The following TMEM204 variants were observed in gnomAD, a reference collection of about 807,000 sequenced individuals.
The protein encoded by TMEM204 is transmembrane protein 204, also known as claudin-like protein 24.
TMEM204 carries 15 observed loss-of-function variants against 19.4 expected under a neutral mutation model. That is an observed-to-expected ratio of 0.77 (90% CI 0.52 to 1.19). The LOEUF (loss-of-function observed/expected upper bound fraction) is 1.19. Among genes scored for constraint, TMEM204 ranks in the 50% most tolerant of loss-of-function variants. TMEM204 has a pLI of 0.00. For missense variants in TMEM204, 287 were observed against 321.2 expected, an observed-to-expected ratio of 0.89 and a Z score of 0.81; for synonymous variants, 161 against 146.0, an observed-to-expected ratio of 1.10 and a Z score of -0.74.
At position 1,553,280 on chromosome 16, in the gene TMEM204, CTG is replaced by C. The variant is rs2032825402; in HGVS notation, c.437-1498_437-1497del. The stretch of plus-strand genomic sequence containing the variant: ...TGTATCTCTCTTGGTCTCTGTCTCT[CTG>C]TGTCTCTGCCTGTCTCTCTGTGTCT... On this transcript the variant is annotated intron_variant, in intron 2 of 2. Coordinates refer to ENST00000566264, the MANE Select transcript of TMEM204 (RefSeq NM_024600.6). The surrounding 1 kb of genome is among the most constrained non-coding windows in gnomAD (Gnocchi z 4.4). The C allele has an allele frequency of 3.1e-6, 3 of 981,642 alleles. No homozygotes were observed. Among genetic ancestry groups the C allele is most frequent in the African/African-American group, 1.8e-5 (1 of 57,122 alleles). The allele number at this position is 981,642 out of a possible 1,614,324, so 60.8% of individuals were successfully genotyped here.
At chr16:1,540,069 G>A (rs2031482577) in intron 1 of TMEM204, among the ~76,000 whole-genome samples, 1 of 152,160 alleles carries the variant, frequency 6.6e-6, no homozygotes, top group African/African-American at 2.4e-5. Flanking sequence ...AGGACGGCGG[G>A]GGGACCCTCA....
intron 1 of TMEM204, among the ~76,000 whole-genome samples, chr16:1,536,885 G>A (rs1935467309): frequency 1.3e-5 from 2 of 152,198 alleles, no homozygotes; most frequent in African/African-American, 2.4e-5. Flanking sequence ...GTCCCCAATC[G>A]GGTGAGGGGC....
intron 1 of TMEM204, among the ~76,000 whole-genome samples, chr16:1,536,694 C>T (rs947983222): frequency 2.6e-5 from 4 of 152,210 alleles, no homozygotes; most frequent in Non-Finnish European, 4.4e-5. Context: ...GGCCCCAACA[C>T]GGGGACGCGC....
chr16:1,536,266 C>T (rs1042460897), intron 1 of TMEM204, among the ~76,000 whole-genome samples: 15 of 152,332 alleles, frequency 9.8e-5, no homozygotes, highest in African/African-American at 3.6e-4. Flanking sequence ...CACAGGGCCG[C>T]GTGTAGCCTC....
intron 1 of TMEM204, among the ~76,000 whole-genome samples, chr16:1,538,774 G>A (rs770924514): frequency 7.2e-5 from 11 of 152,276 alleles, no homozygotes; most frequent in African/African-American, 2.2e-4. Flanking sequence ...TGGACAGGAC[G>A]CCCTCAAAAT....
At chr16:1,532,731 G>A (rs1438970551), upstream of TMEM204, 1 of 152,286 alleles carries the variant, frequency 6.6e-6, no homozygotes, top group Non-Finnish European at 1.5e-5. Context: ...CCCATGCTGG[G>A]TTTCGGGTCT....
chr16:1,554,728 G>T, intron 2 of TMEM204, 54 bp from the exon 3 acceptor site: 1 of 1,598,628 alleles, frequency 6.3e-7, no homozygotes, highest in South Asian at 1.1e-5. Flanking sequence ...TGGGGAAGGA[G>T]TGGAACCCGC....
rs779329034 is a variant in TMEM204 at position 1,542,118 on chromosome 16, T to C, written c.436+42T>C. ...GTGTGGCCACCGCGCCCTTGCCCCC[T>C]GTGGCCTTCTGGTGCCACAGGAGGG... On this transcript the variant is annotated intron_variant, in intron 2 of 2. Transcript: ENST00000566264. 3.7e-5 allele frequency: 57 copies of C among 1,523,516 alleles called. No homozygotes were observed. In the Middle Eastern group the frequency reaches 5.2e-4, roughly 14 times the overall value. 94.4% of individuals were successfully genotyped at this position (1,523,516 alleles called of 1,614,324 possible).
At position 1,534,218 on chromosome 16, in the gene TMEM204, T is replaced by C. The variant is rs1394270129; in HGVS notation, c.-58T>C. ...TAGCAGCGTCGGCTCTCCCTGGACG[T>C]GCGGCCGCGGACTGGGACTTGGCTT... is the stretch of plus-strand genomic sequence containing the variant. On this transcript the variant is annotated 5_prime_UTR_variant, in exon 1 of 3. Transcript: ENST00000566264. 19 of 1,592,536 alleles carry C rather than the reference T, an allele frequency of 1.2e-5. No individual in the cohort carries two copies. The highest frequency in any genetic ancestry group is 1.6e-5 in the Non-Finnish European group (19 of 1,176,220).
In TMEM204 at chr16:1,551,339, G is replaced by T. The variant is rs764789569; in HGVS notation, c.437-3443G>T. Among the ~76,000 whole-genome samples the T allele has an allele frequency of 6.6e-6, 1 of 152,072 alleles. No individual in the cohort carries two copies. The highest frequency in any genetic ancestry group is 1.5e-5 in the Non-Finnish European group (1 of 68,016). On this transcript the variant is annotated intron_variant, in intron 2 of 2. Coordinates refer to ENST00000566264, the MANE Select transcript of TMEM204 (RefSeq NM_024600.6). The surrounding 1 kb of genome is among the most constrained non-coding windows in gnomAD (Gnocchi z 4.0). ...AGGCCCGAAGGATCAGCAGCAGGAG[G>T]GGCCCCTCCTCCCCAGGGCCAGTCA...
intron 1 of TMEM204, chr16:1,541,200 TGTGA>T (rs1175717354): frequency 1.0e-6 from 1 of 985,276 alleles, no homozygotes; most frequent in Non-Finnish European, 1.2e-6. Flanking sequence ...ACAGGCCTGC[TGTGA>T]GTGGGGAAGC....
intron 1 of TMEM204, among the ~76,000 whole-genome samples, chr16:1,538,891 G>A (rs2031338453): frequency 6.6e-6 from 1 of 152,192 alleles, no homozygotes; most frequent in Non-Finnish European, 1.5e-5. Context: ...CCAGGGCAGT[G>A]TCTGCCTCAA....
Position 1,534,645 on chromosome 16 carries a change from G to A in TMEM204, c.280+90G>A, listed in dbSNP as rs988719723. The stretch of plus-strand genomic sequence containing the variant: ...TAGGCGCGGACCTGGTGAGCGGGTG[G>A]GGAGGCCTGGCCCCTGCTCTGCCCT... On this transcript the variant is annotated intron_variant, in intron 1 of 2. Coordinates refer to ENST00000566264, the MANE Select transcript of TMEM204 (RefSeq NM_024600.6). The A allele has an allele frequency of 7.0e-6, 11 of 1,565,254 alleles. No individual in the cohort carries two copies. In the African/African-American group the frequency reaches 1.3e-4, roughly 19 times the overall value.
chr16:1,530,357 T>C (rs573777631), upstream of TMEM204, among the ~76,000 whole-genome samples: 3 of 152,144 alleles, frequency 2.0e-5, no homozygotes, highest in South Asian at 2.1e-4. Flanking sequence ...GGTCTCGATC[T>C]CTTGACCTTG....
intron 1 of TMEM204, among the ~76,000 whole-genome samples, chr16:1,536,972 C>G (rs2031137002): frequency 6.6e-6 from 1 of 152,250 alleles, no homozygotes; most frequent in Non-Finnish European, 1.5e-5. Flanking sequence ...CTAGGCAGGC[C>G]TGGGAGTCAG....
Position 1,555,020 on chromosome 16 carries a change from A to G in TMEM204, c.675A>G (p.Pro225=), listed in dbSNP as rs779051342. 4 of 1,608,814 alleles carry G rather than the reference A, an allele frequency of 2.5e-6. No homozygotes were observed. The highest frequency in any genetic ancestry group is 3.4e-6 in the Non-Finnish European group (4 of 1,177,722). ...TGGACAATGACTACGTGGAGTCACC[A>G]TGCTGAGTCGCCCTTCTCAGCGCTC... The part of the protein sequence containing the change: ...RGLDNDYVES[P]C Residue 225 remains proline, a synonymous_variant, in exon 3 of 3, where the codon CCA becomes CCG. Coordinates refer to ENST00000566264, the MANE Select transcript of TMEM204 (RefSeq NM_024600.6).
At chr16:1,529,434 T>C (rs2030197778), upstream of TMEM204, among the ~76,000 whole-genome samples, 3 of 152,354 alleles carry the variant, frequency 2.0e-5, no homozygotes, top group African/African-American at 7.2e-5. Context: ...GGCAGCTTCC[T>C]GGACGCTCAG....
chr16:1,539,491 G>C (rs1741766261), intron 1 of TMEM204, among the ~76,000 whole-genome samples: 2 of 152,270 alleles, frequency 1.3e-5, no homozygotes, highest in South Asian at 4.1e-4. Context: ...CCCATGCTGA[G>C]CCAGGTCCTC....
chr16:1,540,264 A>G (rs2031504311), intron 1 of TMEM204, among the ~76,000 whole-genome samples: 1 of 152,202 alleles, frequency 6.6e-6, no homozygotes, highest in Admixed American at 6.5e-5. Flanking sequence ...GTGAATCCAG[A>G]TTGCATTTCA....
Sources: allele counts gnomAD v4.1 joint callset (sites outside exome capture counted in the v4.1 genomes callset), GRCh38; gene constraint gnomAD v4.1.1; non-coding constraint Gnocchi (gnomAD v3.1); transcripts MANE v1.5; gene names NCBI Gene and HGNC (gene_info 2026-07-23, HGNC 2026-07-21).